BABAM2: variants seen among roughly 807,000 people sequenced by gnomAD.
The protein encoded by BABAM2 is BRISC and BRCA1 A complex member 2.
A neutral mutation model predicts 54.7 loss-of-function variants in BABAM2; 31 were observed. The ratio of observed to expected loss-of-function variants is 0.57; its 90% CI spans 0.43 to 0.77. The LOEUF is 0.77. Ranked by LOEUF, BABAM2 falls within the 30% of genes least tolerant of loss-of-function variation. BABAM2 has a pLI of 0.00. For missense variants in BABAM2, 364 were observed against 455.8 expected (o/e 0.80, Z 1.83); for synonymous variants, 167 against 162.9 (o/e 1.03, Z -0.19).
At chr2:27,906,388 T>G (rs1401752117) in intron 2 of BABAM2, among the ~76,000 whole-genome samples, 1 of 152,238 alleles carries the variant, frequency 6.6e-6, no homozygotes, top group East Asian at 1.9e-4. Context: ...CTAGACTTTT[T>G]GTGATCATAA....
intron 7 of BABAM2, among the ~76,000 whole-genome samples, chr2:28,227,775 C>G (rs898531753): frequency 1.8e-4 from 27 of 152,134 alleles, no homozygotes; most frequent in African/African-American, 6.0e-4. Context: ...TTTTTTCAAA[C>G]TGTGGTGTGA....
chr2:28,195,475 A>G (rs1677421685), intron 7 of BABAM2, among the ~76,000 whole-genome samples: 3 of 152,204 alleles, frequency 2.0e-5, no homozygotes, highest in African/African-American at 2.4e-5. Flanking sequence ...CTATGACATG[A>G]GAATTCTAAA....
chr2:27,959,138 A>G (rs574198706), intron 3 of BABAM2, among the ~76,000 whole-genome samples: 125 of 152,302 alleles, frequency 8.2e-4, no homozygotes, highest in African/African-American at 3.0e-3. Flanking sequence ...AGTTGCTTCT[A>G]TAAAAGTAAG....
chr2:28,125,330 G>A (rs1160683853), intron 6 of BABAM2, among the ~76,000 whole-genome samples: 1 of 151,840 alleles, frequency 6.6e-6, no homozygotes, highest in Non-Finnish European at 1.5e-5. Context: ...GTCTCACTCT[G>A]TCAGCCAGGC....
At chr2:27,985,077 G>GTGTT (rs1177592593) in intron 3 of BABAM2, among the ~76,000 whole-genome samples, 1 of 151,578 alleles carries the variant, frequency 6.6e-6, no homozygotes, top group Admixed American at 6.6e-5. Context: ...GTGTGTGTGT[G>GTGTT]TGTGTGTGTG....
intron 7 of BABAM2, among the ~76,000 whole-genome samples, chr2:28,205,135 C>T (rs1213038142): frequency 6.6e-6 from 1 of 151,994 alleles, no homozygotes; most frequent in East Asian, 1.9e-4. Flanking sequence ...TGTAATAAGA[C>T]ACTCTCCCAT....
chr2:27,910,401 T>G (rs762093775), intron 2 of BABAM2, among the ~76,000 whole-genome samples: 6 of 152,036 alleles, frequency 3.9e-5, no homozygotes, highest in Non-Finnish European at 8.8e-5. Context: ...AATTGATTTT[T>G]AAATTTAAAA....
rs59747836 is a variant in BABAM2, at chr2:28,279,660, CT to C, written c.935-18656del. On this transcript the variant is annotated intron_variant, in intron 10 of 11. Coordinates refer to ENST00000379624, the MANE Select transcript of BABAM2 (RefSeq NM_199191.3). ...TAGTGCAGACAGGGCAGCTCAAAGG[CT>C]TTTTTTTTTTTTTTTTTTTTTGAGA... Among the ~76,000 whole-genome samples the C allele has an allele frequency of 6.7e-3, 669 of 100,264 alleles. 4 individuals carry two copies. Among genetic ancestry groups the C allele is most frequent in the African/African-American group, 0.024 (545 of 22,952 alleles). 65.8% of individuals were successfully genotyped at this position (100,264 alleles called of 152,430 possible).
intron 10 of BABAM2, among the ~76,000 whole-genome samples, chr2:28,286,607 C>T (rs1175599479): frequency 6.6e-6 from 1 of 152,172 alleles, no homozygotes; most frequent in African/African-American, 2.4e-5. Flanking sequence ...CCTTCCCAGT[C>T]ATAGTCCTCC....
intron 7 of BABAM2, among the ~76,000 whole-genome samples, chr2:28,171,159 T>G (rs1395817057): frequency 2.0e-5 from 3 of 152,120 alleles, no homozygotes; most frequent in Non-Finnish European, 4.4e-5. Context: ...TCAGTCCATA[T>G]AGATTCACTA....
intron 2 of BABAM2, among the ~76,000 whole-genome samples, chr2:27,902,749 A>G (rs1014673995): frequency 6.6e-6 from 1 of 152,162 alleles, no homozygotes; most frequent in Non-Finnish European, 1.5e-5. Context: ...ATCTTTTGGT[A>G]ATTACATGTA....
intron 3 of BABAM2, among the ~76,000 whole-genome samples, chr2:27,938,015 C>G (rs983759564): frequency 2.1e-4 from 32 of 152,192 alleles, no homozygotes; most frequent in African/African-American, 7.5e-4. Context: ...TGTTACTCCT[C>G]TTCATGTGGA....
chr2:28,143,215 G>C (rs1671214495), intron 7 of BABAM2, among the ~76,000 whole-genome samples: 1 of 152,004 alleles, frequency 6.6e-6, no homozygotes. Context: ...GAACCTGGAA[G>C]ACATTATGCT....
intron 5 of BABAM2, among the ~76,000 whole-genome samples, chr2:28,029,407 A>G (rs1360855389): frequency 2.0e-5 from 3 of 152,046 alleles, no homozygotes; most frequent in Admixed American, 2.0e-4. Context: ...TTATGTTTCT[A>G]TGGTTTTGAC....
intron 6 of BABAM2, among the ~76,000 whole-genome samples, chr2:28,102,250 C>T (rs139624595): frequency 2.0e-5 from 3 of 152,290 alleles, no homozygotes; most frequent in Non-Finnish European, 2.9e-5. Context: ...TAATACATGT[C>T]CCTTTTTCCC....
At chr2:28,263,131 C>CAAA (rs539550619) in intron 10 of BABAM2, among the ~76,000 whole-genome samples, 49 of 97,802 alleles carry the variant, frequency 5.0e-4, no homozygotes, top group Non-Finnish European at 6.8e-4. Flanking sequence ...GACACTGTCT[C>CAAA]AAAAAAAAAA....
chr2:28,124,002 T>C (rs1198127702), intron 6 of BABAM2, among the ~76,000 whole-genome samples: 2 of 152,222 alleles, frequency 1.3e-5, no homozygotes, highest in East Asian at 3.8e-4. Flanking sequence ...AAATTACCCA[T>C]AGGCATATGG....
chr2:27,891,857 T>G (rs1230864628), intron 1 of BABAM2, among the ~76,000 whole-genome samples: 1 of 152,114 alleles, frequency 6.6e-6, no homozygotes, highest in Non-Finnish European at 1.5e-5. Context: ...CGTTGCTGAA[T>G]TAGAATGTAT....
chr2:27,949,194 GA>G (rs1669521774), intron 3 of BABAM2, among the ~76,000 whole-genome samples: 1 of 152,214 alleles, frequency 6.6e-6, no homozygotes, highest in African/African-American at 2.4e-5. Flanking sequence ...ATAGCAGTGA[GA>G]TTTACTTCAG....
Sources: allele counts gnomAD v4.1 joint callset (sites outside exome capture counted in the v4.1 genomes callset), GRCh38; gene constraint gnomAD v4.1.1; transcripts MANE v1.5; gene names NCBI Gene and HGNC (gene_info 2026-07-23, HGNC 2026-07-21).